Variants in ERG observed in about 807,000 individuals in gnomAD.
ERG encodes transcriptional regulator ERG.
In ERG, 9 loss-of-function variants were observed where a neutral mutation model predicts 55.3. The observed-to-expected ratio is 0.16, with a 90% confidence interval of 0.10 to 0.28. ERG has a LOEUF of 0.28. ERG is among the 10% of genes least tolerant of loss of function. The pLI, the probability that ERG is intolerant of heterozygous loss-of-function variation, is 1.00. For missense variants in ERG, 434 were observed against 631.6 expected (o/e 0.69, Z 3.35); for synonymous variants, 223 against 237.3 (o/e 0.94, Z 0.55).
chr21:38,479,291 T>G (rs1276541206), intron 1 of ERG, among the ~76,000 whole-genome samples: 1 of 152,180 alleles, frequency 6.6e-6, no homozygotes, highest in Non-Finnish European at 1.5e-5. Context: ...TATCAGTGAA[T>G]GGAGCCTGGC....
At chr21:38,602,814 T>A (rs1351194579) in intron 1 of ERG, among the ~76,000 whole-genome samples, 1 of 151,944 alleles carries the variant, frequency 6.6e-6, no homozygotes, top group African/African-American at 2.4e-5. Context: ...AGGAAACACA[T>A]GAGCCTTTTA....
chr21:38,463,626 C>T (rs1189337304), intron 1 of ERG, among the ~76,000 whole-genome samples: 1 of 152,114 alleles, frequency 6.6e-6, no homozygotes, highest in East Asian at 1.9e-4. Flanking sequence ...CTGGCCTGAG[C>T]CTTGAAGAAT....
intron 1 of ERG, among the ~76,000 whole-genome samples, chr21:38,614,430 G>C (rs1159049995): frequency 6.6e-6 from 1 of 152,112 alleles, no homozygotes; most frequent in Non-Finnish European, 1.5e-5. Flanking sequence ...ATCTACTCTG[G>C]GTTTCTGGGA....
chr21:38,539,677 G>T (rs1206308621), intron 2 of ERG, among the ~76,000 whole-genome samples: 32 of 152,184 alleles, frequency 2.1e-4, no homozygotes, highest in Non-Finnish European at 4.4e-4. Flanking sequence ...TGAAGCCCCT[G>T]CCTGTCTGGC....
chr21:38,510,839 G>C (rs996239852), intron 2 of ERG, among the ~76,000 whole-genome samples: 1 of 152,108 alleles, frequency 6.6e-6, no homozygotes, highest in African/African-American at 2.4e-5. Context: ...TCTCCTATAA[G>C]AGCCAGGAAT....
intron 2 of ERG, among the ~76,000 whole-genome samples, chr21:38,506,705 G>A (rs976800350): frequency 3.3e-5 from 5 of 151,750 alleles, no homozygotes; most frequent in African/African-American, 1.2e-4. Context: ...TCCTTTTCTC[G>A]CCGCTTCCAC....
At chr21:38,590,082 CTAAGAATTAG>C (rs1422467032) in intron 1 of ERG, among the ~76,000 whole-genome samples, 1 of 152,192 alleles carries the variant, frequency 6.6e-6, no homozygotes, top group Non-Finnish European at 1.5e-5. Context: ...AACACCGTAT[CTAAGAATTAG>C]TAAATAACTA....
chr21:38,640,510 G>C (rs1393412874), intron 1 of ERG, among the ~76,000 whole-genome samples: 1 of 152,122 alleles, frequency 6.6e-6, no homozygotes, highest in African/African-American at 2.4e-5. Context: ...TTGAGTCATG[G>C]GGTGGTGTCT....
At chr21:38,578,506 G>A (rs2060008639) in intron 1 of ERG, among the ~76,000 whole-genome samples, 1 of 152,172 alleles carries the variant, frequency 6.6e-6, no homozygotes, top group Non-Finnish European at 1.5e-5. Context: ...ACAGGCAGTA[G>A]CAGAAAGACA....
chr21:38,641,383 T>G (rs1394670670), intron 1 of ERG, among the ~76,000 whole-genome samples: 1 of 152,172 alleles, frequency 6.6e-6, no homozygotes, highest in African/African-American at 2.4e-5. Flanking sequence ...GCCTTGACAT[T>G]GAACTTCCCA....
intron 1 of ERG, among the ~76,000 whole-genome samples, chr21:38,581,056 C>T (rs2060025502): frequency 6.6e-6 from 1 of 152,182 alleles, no homozygotes; most frequent in Non-Finnish European, 1.5e-5. Flanking sequence ...ACAAGATCTT[C>T]CCAAGAAGAT....
chr21:38,420,499 C>T (rs950454412), intron 3 of ERG, among the ~76,000 whole-genome samples: 41 of 152,276 alleles, frequency 2.7e-4, no homozygotes, highest in African/African-American at 9.6e-4. Flanking sequence ...TACTTTGCTC[C>T]AAAGAAAGGA....
At chr21:38,574,560 T>C (rs1475324570) in intron 2 of ERG, among the ~76,000 whole-genome samples, 1 of 152,252 alleles carries the variant, frequency 6.6e-6, no homozygotes, top group Non-Finnish European at 1.5e-5. Flanking sequence ...TGTGTGTATG[T>C]GAGCTGCACA....
At chr21:38,407,647 T>TATATATATATATATATATATATATAA (rs891801676) in intron 3 of ERG, among the ~76,000 whole-genome samples, 1 of 146,682 alleles carries the variant, frequency 6.8e-6, no homozygotes, top group African/African-American at 2.5e-5. Flanking sequence ...TATATATATT[T>TATATATATATATATATATATATATAA]AATGTATATT....
chr21:38,470,653 T>C (rs1194328671), intron 1 of ERG: 1 of 152,124 alleles, frequency 6.6e-6, no homozygotes, highest in Non-Finnish European at 1.5e-5. Flanking sequence ...ATAATTACAT[T>C]TGTCAAACTG....
chr21:38,462,496 A>T (rs2059053050), intron 1 of ERG, among the ~76,000 whole-genome samples: 1 of 152,184 alleles, frequency 6.6e-6, no homozygotes, highest in South Asian at 2.1e-4. Context: ...TACTGAAGTA[A>T]CCCACAGTAT....
At chr21:38,461,033 C>T (rs1335058867) in intron 1 of ERG, among the ~76,000 whole-genome samples, 1 of 152,176 alleles carries the variant, frequency 6.6e-6, no homozygotes, top group African/African-American at 2.4e-5. Flanking sequence ...GGCCTTATTA[C>T]TGCCTTAAAA....
At chr21:38,659,692 T>C (rs1308159298) in intron 1 of ERG, among the ~76,000 whole-genome samples, 1 of 152,252 alleles carries the variant, frequency 6.6e-6, no homozygotes, top group African/African-American at 2.4e-5. Flanking sequence ...TTTTGAAAGA[T>C]AAAGGAAACT....
intron 2 of ERG, among the ~76,000 whole-genome samples, chr21:38,439,141 TG>T (rs2058817779): frequency 6.6e-6 from 1 of 152,078 alleles, no homozygotes; most frequent in African/African-American, 2.4e-5. Flanking sequence ...AGCCTCCAGG[TG>T]GGCTTCACGA....
Sources: allele counts gnomAD v4.1 joint callset (sites outside exome capture counted in the v4.1 genomes callset), GRCh38; gene constraint gnomAD v4.1.1; transcripts MANE v1.5; gene names NCBI Gene and HGNC (gene_info 2026-07-23, HGNC 2026-07-21).